The following ZEB2 variants were observed in gnomAD, a reference collection of about 807,000 sequenced individuals.
The protein encoded by ZEB2 is zinc finger E-box-binding homeobox 2.
In ZEB2, 6 loss-of-function variants were observed where a neutral mutation model predicts 99.9. The ratio of observed to expected loss-of-function variants is 0.06; its 90% CI spans 0.03 to 0.12. The LOEUF (loss-of-function observed/expected upper bound fraction) is 0.12, where lower values mean the gene tolerates loss of function less well. Ranked by LOEUF, ZEB2 falls within the 10% of genes least tolerant of loss-of-function variation. The pLI is 1.00. For synonymous variants in ZEB2, 517 were observed against 542.5 expected (o/e 0.95, Z 0.65); for missense variants, 969 against 1,502.8 (o/e 0.64, Z 5.87).
intron 9 of ZEB2, chr2:144,390,515 T>C (rs116823781): frequency 0.01 from 2,268 of 225,472 alleles, 56 homozygotes; most frequent in African/African-American, 0.05. Flanking sequence ...ATCTTAGGTC[T>C]TAAATGGGAG....
intron 4 of ZEB2, among the ~76,000 whole-genome samples, chr2:144,416,289 C>A (rs550793786): frequency 2.0e-5 from 3 of 152,316 alleles, no homozygotes; most frequent in East Asian, 3.9e-4. Context: ...ACACTTGTAT[C>A]ATTCTTACCC....
At chr2:144,460,968 T>C (rs1284875240) in intron 2 of ZEB2, 1 of 152,150 alleles carries the variant, frequency 6.6e-6, no homozygotes, top group East Asian at 1.9e-4. Flanking sequence ...AGACAACACA[T>C]AACATAAGTT....
chr2:144,490,356 TTAA>T (rs1284996082), intron 2 of ZEB2, among the ~76,000 whole-genome samples: 2 of 152,214 alleles, frequency 1.3e-5, no homozygotes, highest in Non-Finnish European at 2.9e-5. Flanking sequence ...ACTATTATTA[TTAA>T]TATCACCACT....
chr2:144,449,011 T>C (rs1031608743), intron 2 of ZEB2: 2 of 152,230 alleles, frequency 1.3e-5, no homozygotes, highest in Non-Finnish European at 2.9e-5. Context: ...AAGAGAGTTT[T>C]AGGCAAATGA....
At position 144,399,093 on chromosome 2, in the gene ZEB2, G is replaced by A; in HGVS notation, c.2094C>T (p.Tyr698=). 1 of 1,614,152 alleles carries A rather than the reference G, an allele frequency of 6.2e-7. No homozygotes were observed. The highest frequency in any genetic ancestry group is 8.5e-7 in the Non-Finnish European group (1 of 1,180,026). The change falls in exon 8 of 10, where the codon TAC becomes TAT. Residue 698 remains tyrosine (Y), a synonymous_variant. Transcript: ENST00000627532. The surrounding 1 kb of genome is among the most constrained non-coding windows in gnomAD (Gnocchi z 5.6). The part of the protein sequence containing the change: ...VKEWFEQRKV[Y]QYSNSRSPSL... ...ATGGGGACCTGGAATTTGAGTACTG[G>A]TAGACTTTTCGTTGTTCAAACCATT...
intron 2 of ZEB2, among the ~76,000 whole-genome samples, chr2:144,482,751 C>CA (rs1553968335): frequency 1.3e-5 from 2 of 149,018 alleles, no homozygotes; most frequent in East Asian, 3.9e-4. Flanking sequence ...TCTGATATTT[C>CA]TTTTTTTTTT....
intron 2 of ZEB2, among the ~76,000 whole-genome samples, chr2:144,507,667 C>T (rs918069434): frequency 2.0e-5 from 3 of 152,220 alleles, no homozygotes; most frequent in African/African-American, 4.8e-5. Flanking sequence ...CCACTGTAAA[C>T]GTACATGGCT....
chr2:144,404,453 C>A (rs556306061), intron 5 of ZEB2, among the ~76,000 whole-genome samples: 16 of 151,528 alleles, frequency 1.1e-4, no homozygotes, highest in African/African-American at 3.9e-4. Flanking sequence ...CCTGTAGCCA[C>A]AGATTACTCA....
Position 144,399,575 on chromosome 2 carries a change from C to A in ZEB2, c.1612G>T (p.Ala538Ser). Residue 538 changes from alanine to serine, a missense_variant, in exon 8 of 10, where the codon GCT (alanine) becomes TCT (serine). Physicochemically the swap from Ala to Ser is moderately conservative, Grantham distance 99. This residue lies in a region of ZEB2 where 227 missense variants were observed against 278.2 expected (regional missense o/e 0.82). Coordinates refer to ENST00000627532, the MANE Select transcript of ZEB2 (RefSeq NM_014795.4). The surrounding 1 kb of genome is among the most constrained non-coding windows in gnomAD (Gnocchi z 5.6). ...YTLEKVNEAK[A>S]CLQSLTTDSR... is the part of the protein sequence containing the mutation. ...TCAGTAGTCAAGCTCTGGAGGCAAGCTTTGGCTTCATTGACTTTTTCCAAC... is the reference window on the plus strand; with the variant it reads ...TCAGTAGTCAAGCTCTGGAGGCAAGATTTGGCTTCATTGACTTTTTCCAAC... 1.2e-6 allele frequency: 2 copies of A among 1,614,148 alleles called. No individual in the cohort carries two copies. The highest frequency in any genetic ancestry group is 1.3e-5 in the African/African-American group (1 of 75,034).
Position 144,388,407 on chromosome 2 carries a change from A to G in ZEB2, c.*1044T>C, listed in dbSNP as rs1367619827. The stretch of plus-strand genomic sequence containing the variant: ...TTTACTAAAATATATCTATATATTG[A>G]AGAACTATAATACTGTACACTACAG... On this transcript the variant is annotated 3_prime_UTR_variant, in exon 10 of 10. Coordinates refer to ENST00000627532, the MANE Select transcript of ZEB2 (RefSeq NM_014795.4). The surrounding 1 kb of genome is among the most constrained non-coding windows in gnomAD (Gnocchi z 5.4). 1 of 152,628 alleles carries G rather than the reference A, an allele frequency of 6.6e-6. No homozygotes were observed. Among genetic ancestry groups the G allele is most frequent in the African/African-American group, 2.4e-5 (1 of 41,460 alleles). The allele number at this position is 152,628 out of a possible 1,614,324, so 9.5% of individuals were successfully genotyped here.
At chr2:144,429,621 GT>G in intron 3 of ZEB2, 147 bp downstream of exon 3, 1 of 1,245,840 alleles carries the variant, frequency 8.0e-7, no homozygotes, top group Non-Finnish European at 1.1e-6. Context: ...TTCATAATCT[GT>G]CACCAGCTTT....
chr2:144,406,962 T>C (rs1470124802), intron 4 of ZEB2, among the ~76,000 whole-genome samples: 1 of 152,206 alleles, frequency 6.6e-6, no homozygotes. Context: ...CTCAGATTCA[T>C]CTGGGAAAGA....
rs1196673250 is a variant in ZEB2 at position 144,511,812 on chromosome 2, G to A, written c.73+5466C>T. The A allele has an allele frequency of 4.7e-6, 6 of 1,286,946 alleles. No individual in the cohort carries two copies. The South Asian group carries it at 7.4e-5, about 16-fold the overall frequency. The allele number at this position is 1,286,946 out of a possible 1,614,324, so 79.7% of individuals were successfully genotyped here. A position where few individuals can be genotyped will look rare whatever the true frequency, so the allele number is the denominator to read the frequency against. On this transcript the variant is annotated intron_variant, in intron 2 of 9. Transcript: ENST00000627532. ...AAAGACAGAAAAGAAGTAAAGAGGG[G>A]GAATAGGGCTATATTTATTGGTTTA...
intron 2 of ZEB2, chr2:144,512,147 G>A (rs1560657421): frequency 1.6e-6 from 2 of 1,287,184 alleles, no homozygotes; most frequent in East Asian, 1.1e-4. Flanking sequence ...ACACATTAGG[G>A]CAGACAATCA....
At position 144,384,401 on chromosome 2, in the gene ZEB2, C is replaced by T. The variant is rs1196110253; in HGVS notation, c.*5050G>A. ...TTATTTAATAGCATTTGTTTAATTC[C>T]GAGATTAATATATCATCTTCAACCC... On this transcript the variant is annotated 3_prime_UTR_variant, in exon 10 of 10. Transcript: ENST00000627532. 4.0e-5 allele frequency: 6 copies of T among 151,692 alleles called. No homozygotes were observed. In the South Asian group the frequency reaches 6.2e-4, roughly 16 times the overall value. 9.4% of individuals were successfully genotyped at this position (151,692 alleles called of 1,614,324 possible).
chr2:144,422,379 T>A (rs543048499), intron 4 of ZEB2, among the ~76,000 whole-genome samples: 10 of 152,340 alleles, frequency 6.6e-5, no homozygotes, highest in African/African-American at 2.4e-4. Context: ...CACAGACTCC[T>A]CTTCAATTAG....
intron 4 of ZEB2, among the ~76,000 whole-genome samples, chr2:144,418,688 C>CA (rs1244458200): frequency 6.0e-4 from 85 of 140,578 alleles, no homozygotes; most frequent in South Asian, 2.5e-3. Flanking sequence ...GACTCCATCT[C>CA]AAAAAAAAAC....
chr2:144,507,546 C>T (rs1194736205), intron 2 of ZEB2: 1 of 152,122 alleles, frequency 6.6e-6, no homozygotes, highest in Non-Finnish European at 1.5e-5. Flanking sequence ...TACAATCAGA[C>T]CCTTCTTGAA....
chr2:144,406,577 T>TA lies in ZEB2; in HGVS notation c.404-1554dup, dbSNP rs556442173. On this transcript the variant is annotated intron_variant, in intron 4 of 9. Transcript: ENST00000627532. The stretch of plus-strand genomic sequence containing the variant: ...ACAAGCATGGGACATCTCAGGATGT[T>TA]AAAAAAAAAGGACAGTGCTGGAGTG... Among the ~76,000 whole-genome samples the TA allele has an allele frequency of 9.2e-3, 1,383 of 150,746 alleles. 21 individuals are homozygous for TA. Among genetic ancestry groups the TA allele is most frequent in the African/African-American group, 0.03 (1,253 of 41,104 alleles).
Sources: gnomAD v4.1 joint callset for allele counts (sites outside exome capture counted in the v4.1 genomes callset) on GRCh38, gnomAD v4.1.1 for gene constraint, gnomAD v4.1.1 regional missense constraint, Gnocchi (gnomAD v3.1) non-coding constraint, MANE v1.5 for transcripts, NCBI Gene and HGNC (gene_info 2026-07-23, HGNC 2026-07-21) for gene names.